The following GAPVD1 variants were observed in gnomAD, a reference collection of about 807,000 sequenced individuals.
GAPVD1 encodes GTPase activating protein and VPS9 domains 1, also known as GTPase-activating protein and VPS9 domain-containing protein 1.
In GAPVD1, 35 loss-of-function variants were observed where a neutral mutation model predicts 155.5. That is an observed-to-expected ratio of 0.23 (90% CI 0.17 to 0.30). GAPVD1 has a LOEUF of 0.30. Among genes scored for constraint, GAPVD1 ranks in the 10% least tolerant of loss-of-function variants. GAPVD1 has a pLI of 1.00. For missense variants in GAPVD1, 1,429 were observed against 1,775.7 expected (o/e 0.80, Z 3.51); for synonymous variants, 636 against 619.7 (o/e 1.03, Z -0.39).
chr9:125,343,213 C>T (rs1268792939), intron 19 of GAPVD1, among the ~76,000 whole-genome samples: 22 of 149,212 alleles, frequency 1.5e-4, no homozygotes, highest in Middle Eastern at 3.4e-3. Context: ...TTTTTTTAAG[C>T]TCATCAGCTA....
intron 2 of GAPVD1, among the ~76,000 whole-genome samples, chr9:125,293,999 G>A (rs1249181114): frequency 6.8e-6 from 1 of 147,222 alleles, no homozygotes; most frequent in African/African-American, 2.5e-5. Context: ...TGCAACCTCC[G>A]CCTCCTGGCT....
At chr9:125,338,075 C>T (rs2132009507) in intron 17 of GAPVD1, among the ~76,000 whole-genome samples, 1 of 152,310 alleles carries the variant, frequency 6.6e-6, no homozygotes, top group South Asian at 2.1e-4. Context: ...GGGGTTTCAC[C>T]ATGTTGGCCA....
intron 2 of GAPVD1, among the ~76,000 whole-genome samples, chr9:125,271,403 G>A (rs1375895362): frequency 1.3e-5 from 2 of 151,790 alleles, no homozygotes; most frequent in African/African-American, 4.8e-5. Flanking sequence ...TTAAACCCAC[G>A]TGGTTTTTCT....
intron 2 of GAPVD1, among the ~76,000 whole-genome samples, chr9:125,291,550 G>A (rs913499497): frequency 6.6e-6 from 1 of 152,070 alleles, no homozygotes; most frequent in African/African-American, 2.4e-5. Flanking sequence ...CTTGTTGTGG[G>A]GTCATATGAT....
intron 9 of GAPVD1, among the ~76,000 whole-genome samples, chr9:125,313,790 G>A (rs2009570): frequency 0.49 from 74,499 of 152,046 alleles, 18,442 homozygotes; most frequent in Middle Eastern, 0.58. Flanking sequence ...TAGTAGAGAC[G>A]GGGTTTTGCC....
chr9:125,319,617 T>G (rs1843987763), intron 9 of GAPVD1, among the ~76,000 whole-genome samples: 1 of 150,474 alleles, frequency 6.6e-6, no homozygotes, highest in Non-Finnish European at 1.5e-5. Flanking sequence ...TTTTTTTTTT[T>G]TTGAGATGCA....
chr9:125,294,507 C>T (rs182737044), intron 2 of GAPVD1, among the ~76,000 whole-genome samples: 345 of 151,612 alleles, frequency 2.3e-3, no homozygotes, highest in Admixed American at 5.1e-3. Context: ...TCACCATGCC[C>T]GGCTAATTTT....
At position 125,347,013 on chromosome 9, in the gene GAPVD1, G is replaced by A. The variant is rs552317416; in HGVS notation, c.3169+72G>A. ...TGATAAAGGTAATCTGAATTTAAGT[G>A]GCCTTTAAAAGAAAGAATAGCTAAG... is the stretch of plus-strand genomic sequence containing the variant. On this transcript the variant is annotated intron_variant, in intron 20 of 27. Transcript: ENST00000297933. 10 of 1,505,398 alleles carry A rather than the reference G, an allele frequency of 6.6e-6. No homozygotes were observed. The African/African-American group carries it at 1.4e-4, about 21-fold the overall frequency. 93.3% of individuals were successfully genotyped at this position (1,505,398 alleles called of 1,614,324 possible).
intron 4 of GAPVD1, among the ~76,000 whole-genome samples, chr9:125,300,131 G>A (rs768928192): frequency 8.2e-6 from 1 of 121,788 alleles, no homozygotes; most frequent in Non-Finnish European, 1.7e-5. Context: ...GCTATTTTTC[G>A]GGTTTAGAAA....
At chr9:125,292,575 T>G (rs1202882134) in intron 2 of GAPVD1, among the ~76,000 whole-genome samples, 1 of 151,996 alleles carries the variant, frequency 6.6e-6, no homozygotes, top group African/African-American at 2.4e-5. Flanking sequence ...GTATTTTTAC[T>G]AGAGGGATTT....
At position 125,307,424 on chromosome 9, in the gene GAPVD1, C is replaced by G; in HGVS notation, c.1128C>G (p.Ala376=). Residue 376 remains alanine, a synonymous_variant, in exon 7 of 28, where the codon GCC becomes GCG. Transcript: ENST00000297933. ...SLGKFDKSCV[A]AFLDVVIGGR... is the part of the protein sequence containing the mutation. ...TCCTGTTTTAACAGAGCTGTGTTGC[C>G]GCTTTCCTTGATGTTGTGATTGGGG... The G allele has an allele frequency of 5.6e-6, 9 of 1,603,004 alleles. No individual in the cohort carries two copies. The highest frequency in any genetic ancestry group is 7.7e-6 in the Non-Finnish European group (9 of 1,175,958).
intron 20 of GAPVD1, among the ~76,000 whole-genome samples, chr9:125,348,442 G>A (rs987662775): frequency 5.3e-5 from 8 of 152,042 alleles, no homozygotes; most frequent in Non-Finnish European, 1.2e-4. Context: ...CGATCTTCCT[G>A]CCTCATGCCT....
At position 125,299,075 on chromosome 9, in the gene GAPVD1, A is replaced by G; in HGVS notation, c.154A>G (p.Arg52Gly). The G allele has an allele frequency of 3.1e-6, 5 of 1,602,114 alleles. No individual in the cohort carries two copies. Among genetic ancestry groups the G allele is most frequent in the Non-Finnish European group, 4.3e-6 (5 of 1,175,642 alleles). The change falls in exon 4 of 28, where the codon AGA becomes GGA. Residue 52 changes from arginine (R) to glycine (G), a missense_variant. Around this residue, in one of 4 missense-constraint regions of GAPVD1, gnomAD observed 628 missense variants for 733.4 expected, o/e 0.86. Coordinates refer to ENST00000297933, the MANE Select transcript of GAPVD1 (RefSeq NM_001282680.3). ...TACAGCATGGATTGCGAAGCAACAG[A>G]GAATCAATTTGGATCGGCTTATCAT... is the stretch of plus-strand genomic sequence containing the variant. The part of the protein sequence containing the change: ...YRTAWIAKQQ[R>G]INLDRLIITS...
intron 15 of GAPVD1, among the ~76,000 whole-genome samples, chr9:125,333,998 A>G (rs964679889): frequency 6.6e-6 from 1 of 152,038 alleles, no homozygotes; most frequent in Non-Finnish European, 1.5e-5. Flanking sequence ...GACATTGCCA[A>G]ATGCTCTCTT....
chr9:125,357,236 C>A (rs965993621), intron 25 of GAPVD1, among the ~76,000 whole-genome samples: 10 of 152,142 alleles, frequency 6.6e-5, no homozygotes, highest in African/African-American at 2.4e-4. Flanking sequence ...TCTAACAGCA[C>A]CAGGCACAGT....
At chr9:125,324,231 A>G (rs1185860455) in intron 11 of GAPVD1, among the ~76,000 whole-genome samples, 1 of 152,224 alleles carries the variant, frequency 6.6e-6, no homozygotes, top group Non-Finnish European at 1.5e-5. Flanking sequence ...AGAATAGTAC[A>G]CAATTGATTT....
chr9:125,336,008 T>C (rs1846878013), intron 15 of GAPVD1, among the ~76,000 whole-genome samples: 1 of 151,642 alleles, frequency 6.6e-6, no homozygotes, highest in Admixed American at 6.6e-5. Context: ...ACATAAAAAT[T>C]AGCTGGGTGT....
intron 1 of GAPVD1, among the ~76,000 whole-genome samples, chr9:125,264,614 A>T (rs896238362): frequency 6.6e-6 from 1 of 152,168 alleles, no homozygotes; most frequent in African/African-American, 2.4e-5. Context: ...TTTTGTATTA[A>T]GGCACCTCCC....
chr9:125,340,598 A>G (rs1392889390), intron 17 of GAPVD1, among the ~76,000 whole-genome samples: 1 of 152,108 alleles, frequency 6.6e-6, no homozygotes, highest in Non-Finnish European at 1.5e-5. Flanking sequence ...TGGTTTTATT[A>G]TTATTAATAC....
Sources: gnomAD v4.1 joint callset for allele counts (sites outside exome capture counted in the v4.1 genomes callset) on GRCh38, gnomAD v4.1.1 for gene constraint, gnomAD v4.1.1 regional missense constraint, MANE v1.5 for transcripts, NCBI Gene and HGNC (gene_info 2026-07-23, HGNC 2026-07-21) for gene names.